The following MPHOSPH9 variants were observed in gnomAD, a reference collection of about 807,000 sequenced individuals.
The protein encoded by MPHOSPH9 is M-phase phosphoprotein 9.
MPHOSPH9 carries 88 observed loss-of-function variants against 145.5 expected under a neutral mutation model. That is an observed-to-expected ratio of 0.60 (90% CI 0.51 to 0.72). MPHOSPH9 has a LOEUF of 0.72. Ranked by LOEUF, MPHOSPH9 falls within the 30% of genes least tolerant of loss-of-function variation. MPHOSPH9 has a pLI of 0.00. For missense variants in MPHOSPH9, 1,238 were observed against 1,386.6 expected, an observed-to-expected ratio of 0.89 and a Z score of 1.70; for synonymous variants, 435 against 486.2, an observed-to-expected ratio of 0.89 and a Z score of 1.39.
rs1319525183 is a variant in MPHOSPH9, at chr12:123,214,767, G to A, written c.1064C>T (p.Ala355Val). Reference sequence around the variant, plus strand: ...ACCTGTTCCTGAATCAGACATCCAAGCATTTGGAGTTTCATCTGGTTTACT... The same window carrying A: ...ACCTGTTCCTGAATCAGACATCCAAACATTTGGAGTTTCATCTGGTTTACT... The part of the protein sequence containing the change: ...YLSKPDETPN[A>V]WMSDSGTGLT... The change falls in exon 7 of 24, where the codon GCT (alanine) becomes GTT (valine). Residue 355 changes from alanine to valine, a missense_variant. This residue lies in a region of MPHOSPH9 where 837 missense variants were observed against 897.5 expected (regional missense o/e 0.93). Transcript: ENST00000606320. 6.2e-7 allele frequency: 1 copy of A among 1,612,774 alleles called. No homozygotes were observed.
At chr12:123,181,082 G>T in intron 14 of MPHOSPH9, 81 bp downstream of exon 14, 1 of 1,297,026 alleles carries the variant, frequency 7.7e-7, no homozygotes, top group Non-Finnish European at 1.1e-6. Context: ...GTGCAAGGAG[G>T]AGAAGAGTCA....
chr12:123,170,754 T>G (rs2044542633), intron 16 of MPHOSPH9, among the ~76,000 whole-genome samples: 1 of 152,234 alleles, frequency 6.6e-6, no homozygotes, highest in South Asian at 2.1e-4. Flanking sequence ...TTAACACGTG[T>G]GAAAATTCCT....
chr12:123,202,966 A>G lies in MPHOSPH9; in HGVS notation c.1439T>C (p.Leu480Pro). 6.2e-7 allele frequency: 1 copy of G among 1,614,234 alleles called. No homozygotes were observed. The highest frequency in any genetic ancestry group is 8.5e-7 in the Non-Finnish European group (1 of 1,180,042). Residue 480 changes from leucine (L) to proline (P), a missense_variant, in exon 10 of 24, where the codon CTA becomes CCA. Physicochemically the swap from Leu to Pro is moderately conservative, Grantham distance 98 (BLOSUM62 -3). Transcript: ENST00000606320. Reference protein sequence around the residue: ...DRISFSPDSVLEPSMSSPSDI... With the variant: ...DRISFSPDSVPEPSMSSPSDI... Reference sequence around the variant, plus strand: ...AGAGGGACTAGACATACTAGGCTCTAGAACAGAGTCCGGGGAAAAGGATAT... The same window carrying G: ...AGAGGGACTAGACATACTAGGCTCTGGAACAGAGTCCGGGGAAAAGGATAT...
intron 15 of MPHOSPH9, 38 bp downstream of exon 15, chr12:123,179,888 T>C (rs551259587): frequency 4.5e-6 from 5 of 1,104,704 alleles, no homozygotes; most frequent in African/African-American, 3.2e-5. Context: ...AAAAGAACAA[T>C]TGAGGTATGT....
downstream of MPHOSPH9, chr12:123,153,326 CA>C (rs1484322940): frequency 3.3e-5 from 5 of 152,128 alleles, no homozygotes; most frequent in Admixed American, 6.5e-5. Flanking sequence ...CCAAACACAC[CA>C]GAGGGATGCT....
At chr12:123,226,964 T>C (rs1268105365) in intron 3 of MPHOSPH9, among the ~76,000 whole-genome samples, 4 of 152,136 alleles carry the variant, frequency 2.6e-5, no homozygotes, top group Non-Finnish European at 4.4e-5. Flanking sequence ...ACTGTTACAT[T>C]TTTATATCAC....
chr12:123,180,865 C>T (rs2045100906), intron 14 of MPHOSPH9, among the ~76,000 whole-genome samples: 1 of 152,116 alleles, frequency 6.6e-6, no homozygotes, highest in Non-Finnish European at 1.5e-5. Flanking sequence ...ACAAAACAAA[C>T]AGTATTAAAT....
At chr12:123,174,137 T>A (rs952056005) in intron 16 of MPHOSPH9, among the ~76,000 whole-genome samples, 7 of 152,056 alleles carry the variant, frequency 4.6e-5, no homozygotes, top group Non-Finnish European at 8.8e-5. Context: ...GTCTTCTGAG[T>A]CTATTTTTGT....
chr12:123,231,809 C>T (rs2047647803), intron 1 of MPHOSPH9, among the ~76,000 whole-genome samples: 1 of 151,676 alleles, frequency 6.6e-6, no homozygotes. Context: ...AAGATGCCTC[C>T]TTCCTGGGGA....
chr12:123,234,201 G>A (rs2047790222), upstream of MPHOSPH9, among the ~76,000 whole-genome samples: 1 of 152,120 alleles, frequency 6.6e-6, no homozygotes, highest in Non-Finnish European at 1.5e-5. Context: ...TAACCTTTAA[G>A]GTCTTTCCAG....
chr12:123,196,006 G>A (rs950225901), intron 12 of MPHOSPH9, among the ~76,000 whole-genome samples: 6 of 151,834 alleles, frequency 4.0e-5, no homozygotes, highest in African/African-American at 1.5e-4. Flanking sequence ...CAGCACTCTA[G>A]CCTGGGCGAT....
At position 123,156,675 on chromosome 12, in the gene MPHOSPH9, G is replaced by T; in HGVS notation, c.*132C>A. ...GGCCATTTGAAGTATAAAATAGCAA[G>T]TGTAAGAATAGCATGATTGTAAAAC... is the stretch of plus-strand genomic sequence containing the variant. On this transcript the variant is annotated 3_prime_UTR_variant, in exon 24 of 24. Coordinates refer to ENST00000606320, the MANE Select transcript of MPHOSPH9 (RefSeq NM_022782.4). 1 of 530,326 alleles carries T rather than the reference G, an allele frequency of 1.9e-6. No individual in the cohort carries two copies. The highest frequency in any genetic ancestry group is 3.2e-6 in the Non-Finnish European group (1 of 315,636). 32.9% of individuals were successfully genotyped at this position (530,326 alleles called of 1,614,324 possible).
Position 123,223,044 on chromosome 12 carries a change from T to G in MPHOSPH9, c.342A>C (p.Gln114His). ...AATGTAAATGGTAACTTACTTGAAT[T>G]TGGTTGTGGAACTGCTCCTGCTGGG... ...IVAQQEQFHN[Q>H]IQHIQEEIKN... Residue 114 changes from glutamine (Q) to histidine (H), a missense_variant, in exon 4 of 24, where the codon CAA (glutamine) becomes CAC (histidine). Coordinates refer to ENST00000606320, the MANE Select transcript of MPHOSPH9 (RefSeq NM_022782.4). 2.6e-6 allele frequency: 4 copies of G among 1,516,104 alleles called. No homozygotes were observed. Among genetic ancestry groups the G allele is most frequent in the Non-Finnish European group, 3.5e-6 (4 of 1,137,556 alleles). 93.9% of individuals were successfully genotyped at this position (1,516,104 alleles called of 1,614,324 possible). A position where few individuals can be genotyped will look rare whatever the true frequency, so the allele number is the denominator to read the frequency against.
intron 13 of MPHOSPH9, among the ~76,000 whole-genome samples, chr12:123,191,047 C>T (rs550204535): frequency 2.4e-4 from 36 of 152,190 alleles, no homozygotes; most frequent in African/African-American, 7.9e-4. Flanking sequence ...CCAGGCCAGG[C>T]GCGGTGGCTC....
intron 1 of MPHOSPH9, 54 bp downstream of exon 1, chr12:123,233,021 C>T (rs1477827773): frequency 6.6e-6 from 1 of 152,288 alleles, no homozygotes; most frequent in Non-Finnish European, 1.5e-5. Flanking sequence ...TCTCCTAAGT[C>T]TCGTCTCCTG....
At chr12:123,221,950 T>C in intron 4 of MPHOSPH9, 55 bp from the exon 5 acceptor site, 2 of 877,236 alleles carry the variant, frequency 2.3e-6, no homozygotes, top group Non-Finnish European at 3.4e-6. Context: ...CATCATATTT[T>C]TATGACTGTT....
intron 23 of MPHOSPH9, chr12:123,160,557 C>T: frequency 2.0e-6 from 1 of 493,876 alleles, no homozygotes; most frequent in Non-Finnish European, 3.6e-6. Flanking sequence ...GCATGAACAC[C>T]TTCTTCTCTA....
chr12:123,218,602 T>G, intron 5 of MPHOSPH9, 103 bp from the exon 6 acceptor site: 3 of 1,077,324 alleles, frequency 2.8e-6, no homozygotes, highest in Non-Finnish European at 1.3e-6. Context: ...CTCAGTTCAC[T>G]GCAACCTCCA....
chr12:123,231,992 A>C (rs1472372218), intron 1 of MPHOSPH9, among the ~76,000 whole-genome samples: 1 of 150,284 alleles, frequency 6.7e-6, no homozygotes, highest in African/African-American at 2.5e-5. Flanking sequence ...ATTACACAAA[A>C]ACAGGGACCA....
Sources: gnomAD v4.1 joint callset for allele counts (sites outside exome capture counted in the v4.1 genomes callset) on GRCh38, gnomAD v4.1.1 for gene constraint, gnomAD v4.1.1 regional missense constraint, MANE v1.5 for transcripts, NCBI Gene and HGNC (gene_info 2026-07-23, HGNC 2026-07-21) for gene names.